CGNL1: variants seen among roughly 807,000 people sequenced by gnomAD.
The protein encoded by CGNL1 is cingulin like 1, also known as cingulin-like protein 1.
In CGNL1, 132 loss-of-function variants were observed where a neutral mutation model predicts 141.2. The ratio of observed to expected loss-of-function variants is 0.93; its 90% CI spans 0.81 to 1.08. The LOEUF (loss-of-function observed/expected upper bound fraction) is 1.08. Ranked by LOEUF, CGNL1 falls within the 50% of genes least tolerant of loss-of-function variation. CGNL1 has a pLI of 0.00. For missense variants in CGNL1, 1,870 were observed against 1,588.6 expected (o/e 1.18, Z -3.01); for synonymous variants, 690 against 622.1 (o/e 1.11, Z -1.63).
chr15:57,406,703 G>A (rs938637829), intron 1 of CGNL1, among the ~76,000 whole-genome samples: 3 of 152,152 alleles, frequency 2.0e-5, no homozygotes, highest in African/African-American at 7.2e-5. Flanking sequence ...GTTTAAAATG[G>A]CAAACACATG....
At chr15:57,453,031 A>C (rs1200233730) in intron 6 of CGNL1, among the ~76,000 whole-genome samples, 1 of 152,214 alleles carries the variant, frequency 6.6e-6, no homozygotes, top group Non-Finnish European at 1.5e-5. Flanking sequence ...ATCAGAAAAT[A>C]TAGGGTATAG....
At chr15:57,467,909 A>G (rs573801215) in intron 8 of CGNL1, among the ~76,000 whole-genome samples, 1 of 152,216 alleles carries the variant, frequency 6.6e-6, no homozygotes, top group South Asian at 2.1e-4. Context: ...AGGCTAGTCT[A>G]GAACTCCTGA....
Position 57,439,029 on chromosome 15 carries a change from G to C in CGNL1, c.1030G>C (p.Asp344His), listed in dbSNP as rs373752703. 4.3e-6 allele frequency: 7 copies of C among 1,614,216 alleles called. No individual in the cohort carries two copies. Among genetic ancestry groups the C allele is most frequent in the Non-Finnish European group, 5.9e-6 (7 of 1,180,044 alleles). The change falls in exon 2 of 19, where the codon GAT becomes CAT. Residue 344 changes from aspartate (D) to histidine (H), a missense_variant. Transcript: ENST00000281282. Reference protein sequence around the residue: ...YIPFLPGTGRDIDTGSIPGVD... With the variant: ...YIPFLPGTGRHIDTGSIPGVD... Reference sequence around the variant, plus strand: ...TCCCTTCCTGCCAGGAACTGGACGGGATATTGATACAGGATCAATTCCTGG... The same window carrying C: ...TCCCTTCCTGCCAGGAACTGGACGGCATATTGATACAGGATCAATTCCTGG...
At position 57,440,620 on chromosome 15, in the gene CGNL1, C is replaced by A. The variant is rs111535377; in HGVS notation, c.1697+149C>A. On this transcript the variant is annotated intron_variant, in intron 3 of 18. Transcript: ENST00000281282. ...AACTCAATGGCTGGGGTTTTCGTGA[C>A]GGCATTTGTCTTGTGTGGTATGGGG... The A allele has an allele frequency of 2.6e-5, 17 of 642,942 alleles. 1 individual carries two copies. The highest frequency in any genetic ancestry group is 1.6e-4 in the African/African-American group (9 of 55,268). 39.8% of individuals were successfully genotyped at this position (642,942 alleles called of 1,614,324 possible).
chr15:57,472,740 T>C (rs1472703018), intron 8 of CGNL1, among the ~76,000 whole-genome samples: 1 of 152,232 alleles, frequency 6.6e-6, no homozygotes, highest in African/African-American at 2.4e-5. Flanking sequence ...AGTGCCAGTC[T>C]GCTGAATTTA....
chr15:57,442,490 T>C lies in CGNL1; in HGVS notation c.1803+12T>C. 1.3e-6 allele frequency: 2 copies of C among 1,500,860 alleles called. No individual in the cohort carries two copies. The highest frequency in any genetic ancestry group is 1.9e-6 in the Non-Finnish European group (2 of 1,077,834). 93.0% of individuals were successfully genotyped at this position (1,500,860 alleles called of 1,614,324 possible). A position where few individuals can be genotyped will look rare whatever the true frequency, so the allele number is the denominator to read the frequency against. ...AAGGAAATAACCAAGTAAATGGAAGTTTTGTATTTTGTAGAGTGCATTTAG... is the reference window on the plus strand; with the variant it reads ...AAGGAAATAACCAAGTAAATGGAAGCTTTGTATTTTGTAGAGTGCATTTAG... On this transcript the variant is annotated intron_variant, in intron 4 of 18. Transcript: ENST00000281282.
At chr15:57,426,283 T>A (rs1287044608) in intron 1 of CGNL1, among the ~76,000 whole-genome samples, 1 of 152,052 alleles carries the variant, frequency 6.6e-6, no homozygotes, top group Non-Finnish European at 1.5e-5. Context: ...TAGCTGGGAT[T>A]ACAGGTGCAC....
intron 4 of CGNL1, among the ~76,000 whole-genome samples, chr15:57,446,370 A>G (rs1203935400): frequency 1.3e-5 from 2 of 152,136 alleles, no homozygotes. Context: ...TTCCCCATAA[A>G]TTGTCCCCCT....
intron 8 of CGNL1, among the ~76,000 whole-genome samples, chr15:57,501,871 G>C (rs550268845): frequency 7.9e-5 from 12 of 152,142 alleles, no homozygotes; most frequent in African/African-American, 2.4e-4. Flanking sequence ...GCACTCACAG[G>C]GGGGAAGTTC....
intron 8 of CGNL1, among the ~76,000 whole-genome samples, chr15:57,481,536 C>T (rs1230698587): frequency 6.6e-6 from 1 of 152,162 alleles, no homozygotes; most frequent in Non-Finnish European, 1.5e-5. Context: ...CTTTTTATTG[C>T]TCAGTGGTAT....
intron 1 of CGNL1, among the ~76,000 whole-genome samples, chr15:57,419,831 A>G (rs913563257): frequency 1.3e-5 from 2 of 152,190 alleles, no homozygotes; most frequent in Non-Finnish European, 2.9e-5. Flanking sequence ...GGAAGTCACT[A>G]TGTGCAGCCC....
chr15:57,547,395 G>A lies in CGNL1; in HGVS notation c.3814G>A (p.Asp1272Asn). ...GAGTAAAGTGCTGGATGACATGGAT[G>A]ACGACGATGACCTCAGCACGGATGG... Reference protein sequence around the residue: ...LPSKVLDDMDDDDDLSTDGGS... With the variant: ...LPSKVLDDMDNDDDLSTDGGS... The change falls in exon 19 of 19, where the codon GAC becomes AAC. Residue 1272 changes from aspartate to asparagine, a missense_variant. By Grantham distance (23) the Asp-to-Asn change is conservative. Transcript: ENST00000281282. The A allele has an allele frequency of 6.2e-7, 1 of 1,614,256 alleles. No individual in the cohort carries two copies. Among genetic ancestry groups the A allele is most frequent in the Middle Eastern group, 1.6e-4 (1 of 6,062 alleles).
rs761328771 is a variant in CGNL1 at position 57,452,282 on chromosome 15, C to G, written c.2047C>G (p.Leu683Val). The change falls in exon 6 of 19, where the codon CTG (leucine) becomes GTG (valine). Residue 683 changes from leucine (L) to valine (V), a missense_variant. Physicochemically the swap from Leu to Val is conservative, Grantham distance 32. Transcript: ENST00000281282. ...AAGTGAAGGGGAGCTCCGGAAGAAT[C>G]TGGAGGAGTAAGTTCTGGGCTGAGA... ...EESEGELRKN[L>V]EELFQVKMER... The G allele has an allele frequency of 6.2e-7, 1 of 1,613,336 alleles. No individual in the cohort carries two copies.
At chr15:57,422,296 C>T (rs2062924769) in intron 1 of CGNL1, among the ~76,000 whole-genome samples, 3 of 151,868 alleles carry the variant, frequency 2.0e-5, no homozygotes, top group African/African-American at 4.8e-5. Flanking sequence ...CTTCCTGCCA[C>T]CCTCAGGAAG....
At chr15:57,417,079 AC>A (rs2062856894) in intron 1 of CGNL1, among the ~76,000 whole-genome samples, 1 of 152,126 alleles carries the variant, frequency 6.6e-6, no homozygotes, top group African/African-American at 2.4e-5. Flanking sequence ...ATTAATACTT[AC>A]CTGGCGGGGT....
intron 1 of CGNL1, among the ~76,000 whole-genome samples, chr15:57,435,267 G>A (rs2152301379): frequency 6.6e-6 from 1 of 152,052 alleles, no homozygotes; most frequent in East Asian, 1.9e-4. Flanking sequence ...TTTTATTATT[G>A]GTAGGTTAGC....
chr15:57,419,457 C>T (rs923106614), intron 1 of CGNL1, among the ~76,000 whole-genome samples: 2 of 152,090 alleles, frequency 1.3e-5, no homozygotes, highest in Non-Finnish European at 2.9e-5. Context: ...TTTTCTGTTG[C>T]CTGATCCCAT....
chr15:57,512,462 A>T (rs1013181534), intron 8 of CGNL1, among the ~76,000 whole-genome samples: 1 of 152,270 alleles, frequency 6.6e-6, no homozygotes, highest in Admixed American at 6.5e-5. Flanking sequence ...ATTATTTGTA[A>T]GCATAATGTG....
chr15:57,497,724 G>T (rs11857299), intron 8 of CGNL1, among the ~76,000 whole-genome samples: 63,138 of 152,140 alleles, frequency 0.41, 13,430 homozygotes, highest in Admixed American at 0.47. Context: ...TCTGGAAATG[G>T]TGGCTTCAGC....
Sources: gnomAD v4.1 joint callset for allele counts (sites outside exome capture counted in the v4.1 genomes callset) on GRCh38, gnomAD v4.1.1 for gene constraint, MANE v1.5 for transcripts, NCBI Gene and HGNC (gene_info 2026-07-23, HGNC 2026-07-21) for gene names.